PRKN: variants seen among roughly 807,000 people sequenced by gnomAD.
PRKN encodes E3 ubiquitin-protein ligase parkin.
Under a neutral mutation model 59.5 loss-of-function variants are expected in PRKN, and 56 were observed. The observed-to-expected ratio is 0.94, with a 90% confidence interval of 0.76 to 1.18. The LOEUF (loss-of-function observed/expected upper bound fraction) is 1.18. PRKN is among the 50% of genes most tolerant of loss of function. The pLI is 0.00. For missense variants in PRKN, 657 were observed against 596.4 expected (o/e 1.10, Z -1.06); for synonymous variants, 250 against 222.1 (o/e 1.13, Z -1.12).
chr6:162,598,315 T>G (rs1781566570), intron 1 of PRKN, among the ~76,000 whole-genome samples: 2 of 152,140 alleles, frequency 1.3e-5, no homozygotes, highest in Non-Finnish European at 2.9e-5. Flanking sequence ...AGTTTCCAGA[T>G]TTTTATTCAT....
intron 7 of PRKN, among the ~76,000 whole-genome samples, chr6:161,570,124 T>TAAAAAAAAAAAAAAAAAAAAAAAAA (rs55699586): frequency 5.8e-5 from 3 of 51,418 alleles, no homozygotes; most frequent in African/African-American, 1.7e-4. Context: ...AGTAAATAGG[T>TAAAAAAAAAAAAAAAAAAAAAAAAA]AAAAAAAAAA....
chr6:162,129,486 A>T (rs576281636), intron 4 of PRKN, among the ~76,000 whole-genome samples: 4 of 152,232 alleles, frequency 2.6e-5, no homozygotes, highest in East Asian at 3.9e-4. Flanking sequence ...AGTGCTGTAA[A>T]TTTTTTTCTA....
intron 1 of PRKN, among the ~76,000 whole-genome samples, chr6:162,701,149 C>T (rs576649321): frequency 8.6e-5 from 13 of 152,026 alleles, no homozygotes; most frequent in Non-Finnish European, 1.5e-4. Flanking sequence ...CAGTCAAAGT[C>T]AAATTTATGA....
rs371942391 is a variant in PRKN at position 162,056,709 on chromosome 6, A to G, written c.535-2535T>C. On this transcript the variant is annotated intron_variant, in intron 4 of 11. Transcript: ENST00000366898. This position sits in a 1 kb window ranked among gnomAD's most constrained non-coding sequence, Gnocchi z 4.9. ...GCTACGGGTGGTGTGCAGAGCCTGA[A>G]CTGTCTGCACAAACCATGGCTATGC... Among the ~76,000 whole-genome samples, 111 of 152,260 alleles carry G rather than the reference A, an allele frequency of 7.3e-4. 1 individual carries two copies. Among genetic ancestry groups the G allele is most frequent in the African/African-American group, 2.6e-3 (106 of 41,552 alleles).
intron 2 of PRKN, among the ~76,000 whole-genome samples, chr6:162,320,244 T>C (rs532431898): frequency 6.6e-6 from 1 of 151,520 alleles, no homozygotes; most frequent in South Asian, 2.1e-4. Context: ...ATATCTTTGC[T>C]ATTATGAACA....
At chr6:162,219,556 T>C (rs1237682881) in intron 3 of PRKN, among the ~76,000 whole-genome samples, 2 of 151,986 alleles carry the variant, frequency 1.3e-5, no homozygotes, top group South Asian at 2.1e-4. Flanking sequence ...TGCACTTGAG[T>C]TTTAAAATAA....
At chr6:162,061,057 T>C (rs559016698) in intron 4 of PRKN, among the ~76,000 whole-genome samples, 1 of 152,354 alleles carries the variant, frequency 6.6e-6, no homozygotes, top group Non-Finnish European at 1.5e-5. Context: ...TTTCTATCTG[T>C]GTCTGCAACA....
At chr6:162,357,685 G>A (rs1349135793) in intron 2 of PRKN, among the ~76,000 whole-genome samples, 3 of 152,186 alleles carry the variant, frequency 2.0e-5, no homozygotes, top group African/African-American at 4.8e-5. Flanking sequence ...GCATCAGCAG[G>A]TGAATGAACA....
At chr6:161,782,271 A>G (rs891995925) in intron 7 of PRKN, among the ~76,000 whole-genome samples, 2 of 152,182 alleles carry the variant, frequency 1.3e-5, no homozygotes, top group Admixed American at 6.5e-5. Flanking sequence ...GTGATCTTTA[A>G]AATATAATAG....
At chr6:162,075,797 A>G (rs1778798156) in intron 4 of PRKN, among the ~76,000 whole-genome samples, 1 of 152,034 alleles carries the variant, frequency 6.6e-6, no homozygotes, top group Non-Finnish European at 1.5e-5. Flanking sequence ...TTAAACACGT[A>G]TGTAACGAGC....
chr6:162,288,367 G>A (rs781377443), intron 2 of PRKN, among the ~76,000 whole-genome samples: 2 of 151,526 alleles, frequency 1.3e-5, no homozygotes, highest in East Asian at 3.9e-4. Context: ...AATGCCACCC[G>A]TGTGATTAGG....
At chr6:161,973,448 T>A (rs759416147) in intron 5 of PRKN, 31 bp from the exon 6 acceptor site, 1 of 1,222,090 alleles carries the variant, frequency 8.2e-7, no homozygotes, top group Admixed American at 1.7e-5. Flanking sequence ...ATCACACACA[T>A]GGATCCCGGC....
At position 161,646,396 on chromosome 6, in the gene PRKN, G is replaced by A. The variant is rs566628309; in HGVS notation, c.872-76980C>T. 1.3e-4 allele frequency among the ~76,000 whole-genome samples: 16 copies of A among 119,688 alleles called. No individual in the cohort carries two copies. In the South Asian group the frequency reaches 4.2e-3, roughly 31 times the overall value. 78.5% of individuals were successfully genotyped at this position (119,688 alleles called of 152,430 possible). On this transcript the variant is annotated intron_variant, in intron 7 of 11. Coordinates refer to ENST00000366898, the MANE Select transcript of PRKN (RefSeq NM_004562.3). Reference sequence around the variant, plus strand: ...TGGTGACTGCGTGTGCGTGCGTGGCGGAGGAGGTGGCGTATCAGTGACAGT... The same window carrying A: ...TGGTGACTGCGTGTGCGTGCGTGGCAGAGGAGGTGGCGTATCAGTGACAGT...
chr6:162,362,526 T>G (rs1197589330), intron 2 of PRKN, among the ~76,000 whole-genome samples: 1 of 152,190 alleles, frequency 6.6e-6, no homozygotes, highest in Non-Finnish European at 1.5e-5. Flanking sequence ...TAAAATTGAA[T>G]AATATTAAAA....
chr6:161,746,607 CACAT>C (rs1267662598), intron 7 of PRKN, among the ~76,000 whole-genome samples: 49 of 145,002 alleles, frequency 3.4e-4, no homozygotes, highest in Admixed American at 3.1e-3. Context: ...ATTATACACA[CACAT>C]ACATAGATAT....
intron 5 of PRKN, among the ~76,000 whole-genome samples, chr6:162,013,752 T>C (rs1313539025): frequency 6.6e-6 from 1 of 152,128 alleles, no homozygotes; most frequent in Admixed American, 6.6e-5. Context: ...GTTATAGAAA[T>C]GACAACTCAG....
At chr6:161,697,780 A>G (rs1038435657) in intron 7 of PRKN, among the ~76,000 whole-genome samples, 3 of 152,188 alleles carry the variant, frequency 2.0e-5, no homozygotes, top group African/African-American at 7.2e-5. Context: ...TTAAACATCA[A>G]GGAGGGACAA....
intron 4 of PRKN, among the ~76,000 whole-genome samples, chr6:162,200,098 T>C (rs1784658442): frequency 6.6e-6 from 1 of 152,162 alleles, no homozygotes; most frequent in African/African-American, 2.4e-5. Flanking sequence ...AATCTGAACA[T>C]GCCAGTCATC....
rs967667395 is a variant in PRKN, at chr6:161,579,323, C to T, written c.872-9907G>A. ...AAAAGGGCACTTAGGTTAGGCACAT[C>T]CCTGTCAGATAAGGCCTAGTTAAAT... On this transcript the variant is annotated intron_variant, in intron 7 of 11. Transcript: ENST00000366898. This position sits in a 1 kb window ranked among gnomAD's most constrained non-coding sequence, Gnocchi z 4.2. Among the ~76,000 whole-genome samples, 1 of 152,146 alleles carries T rather than the reference C, an allele frequency of 6.6e-6. No homozygotes were observed. The highest frequency in any genetic ancestry group is 1.5e-5 in the Non-Finnish European group (1 of 68,034).
Sources: allele counts gnomAD v4.1 joint callset (sites outside exome capture counted in the v4.1 genomes callset), GRCh38; gene constraint gnomAD v4.1.1; non-coding constraint Gnocchi (gnomAD v3.1); transcripts MANE v1.5; gene names NCBI Gene and HGNC (gene_info 2026-07-23, HGNC 2026-07-21).